The following DPP6 variants were observed in gnomAD, a reference collection of about 807,000 sequenced individuals.
DPP6 encodes the protein A-type potassium channel modulatory protein DPP6.
Under a neutral mutation model 122.6 loss-of-function variants are expected in DPP6, and 69 were observed. That is an observed-to-expected ratio of 0.56 (90% confidence interval 0.46 to 0.69). DPP6 has a LOEUF of 0.69. DPP6 is among the 30% of genes least tolerant of loss of function. The pLI is 0.00. For synonymous variants in DPP6, 418 were observed against 433.1 expected (o/e 0.97, Z 0.43); for missense variants, 928 against 1,116.9 (o/e 0.83, Z 2.41).
At chr7:154,513,875 C>A (rs1226034508) in intron 3 of DPP6, among the ~76,000 whole-genome samples, 1 of 152,202 alleles carries the variant, frequency 6.6e-6, no homozygotes, top group Non-Finnish European at 1.5e-5. Flanking sequence ...CTACTCAAAC[C>A]CATACATCTT....
intron 1 of DPP6, among the ~76,000 whole-genome samples, chr7:154,184,794 A>C (rs973804498): frequency 2.0e-5 from 3 of 152,156 alleles, no homozygotes; most frequent in South Asian, 2.1e-4. Flanking sequence ...ATGCCTTACT[A>C]AATGTTGGGA....
At chr7:154,606,172 T>C (rs970975530) in intron 5 of DPP6, among the ~76,000 whole-genome samples, 1 of 120,328 alleles carries the variant, frequency 8.3e-6, no homozygotes, top group African/African-American at 2.6e-5. Flanking sequence ...GTTATATTGT[T>C]GCAATATTCT....
chr7:154,837,251 TCACACATGCA>T (rs75432715), intron 16 of DPP6, among the ~76,000 whole-genome samples: 7 of 148,222 alleles, frequency 4.7e-5, no homozygotes, highest in East Asian at 2.0e-4. Flanking sequence ...TAAGGCACAT[TCACACATGCA>T]CACACATGCA....
chr7:154,868,392 C>T (rs1240018889), intron 18 of DPP6, among the ~76,000 whole-genome samples: 3 of 152,150 alleles, frequency 2.0e-5, no homozygotes, highest in Admixed American at 6.5e-5. Context: ...GTCAAGACAC[C>T]GTCCAGAAAA....
At chr7:154,223,858 G>A (rs1330930255) in intron 1 of DPP6, among the ~76,000 whole-genome samples, 1 of 148,756 alleles carries the variant, frequency 6.7e-6, no homozygotes, top group Admixed American at 6.6e-5. Flanking sequence ...AGGGGAGTGA[G>A]CATGGAGGTG....
intron 1 of DPP6, among the ~76,000 whole-genome samples, chr7:154,218,587 G>T (rs1023807706): frequency 2.6e-5 from 4 of 152,128 alleles, no homozygotes; most frequent in African/African-American, 9.7e-5. Context: ...CATTATATGG[G>T]TATTGCTGGC....
At chr7:153,966,910 T>C (rs552740474) in intron 1 of DPP6, among the ~76,000 whole-genome samples, 9 of 151,206 alleles carry the variant, frequency 6.0e-5, no homozygotes, top group Non-Finnish European at 1.3e-4. Context: ...CTACCAAAAA[T>C]AGAAAAATGA....
chr7:154,673,950 A>G (rs533646742), intron 7 of DPP6, among the ~76,000 whole-genome samples: 3 of 149,344 alleles, frequency 2.0e-5, no homozygotes, highest in Non-Finnish European at 4.4e-5. Flanking sequence ...ATCTCTGCTC[A>G]CTCCAACCTC....
intron 16 of DPP6, among the ~76,000 whole-genome samples, chr7:154,852,981 C>T (rs772559878): frequency 3.3e-5 from 5 of 152,204 alleles, no homozygotes; most frequent in African/African-American, 4.8e-5. Flanking sequence ...TGACATGCCT[C>T]CAGCCCTGCA....
chr7:153,932,097 C>T (rs1801195329), intron 1 of DPP6, among the ~76,000 whole-genome samples: 1 of 147,922 alleles, frequency 6.8e-6, no homozygotes, highest in Non-Finnish European at 1.5e-5. Context: ...TTGTTTGCTA[C>T]TTGGCTTTGA....
intron 8 of DPP6, among the ~76,000 whole-genome samples, chr7:154,764,921 G>C (rs983107385): frequency 1.3e-5 from 2 of 152,154 alleles, no homozygotes; most frequent in South Asian, 2.1e-4. Flanking sequence ...TCTCTCCAGA[G>C]AGAGAACTCA....
At chr7:154,780,933 A>G (rs561504482) in intron 10 of DPP6, among the ~76,000 whole-genome samples, 5 of 152,128 alleles carry the variant, frequency 3.3e-5, no homozygotes, top group African/African-American at 1.2e-4. Flanking sequence ...AGATAGATGA[A>G]TAGGTGGATA....
intron 1 of DPP6, among the ~76,000 whole-genome samples, chr7:154,226,257 A>G (rs2150839953): frequency 6.6e-6 from 1 of 152,322 alleles, no homozygotes; most frequent in East Asian, 1.9e-4. Flanking sequence ...AAGATCCAAA[A>G]GCATCTTGCC....
At chr7:154,229,820 A>G (rs1189402558) in intron 1 of DPP6, among the ~76,000 whole-genome samples, 1 of 152,120 alleles carries the variant, frequency 6.6e-6, no homozygotes, top group Non-Finnish European at 1.5e-5. Flanking sequence ...AATGCATCAA[A>G]CTAGATCCTG....
At chr7:153,842,129 A>G in the DPP6 span, among the ~76,000 whole-genome samples, 1 of 152,220 alleles carries the variant, frequency 6.6e-6, no homozygotes, top group African/African-American at 2.4e-5. Context: ...TCAAACATAT[A>G]TATGTAAGTC....
At chr7:154,631,622 G>C in intron 5 of DPP6, among the ~76,000 whole-genome samples, 1 of 151,058 alleles carries the variant, frequency 6.6e-6, no homozygotes, top group East Asian at 2.0e-4. Context: ...AGCCAAGATT[G>C]CACCACTGCA....
intron 1 of DPP6, among the ~76,000 whole-genome samples, chr7:153,888,825 A>T (rs1799064249): frequency 6.7e-6 from 1 of 150,260 alleles, no homozygotes. Flanking sequence ...GAATTGAAGA[A>T]ATTCTTTCAG....
chr7:153,752,714 G>A, the DPP6 span, among the ~76,000 whole-genome samples: 51 of 116,924 alleles, frequency 4.4e-4, 1 homozygote, highest in Non-Finnish European at 7.9e-4. Flanking sequence ...TGGCATGGTG[G>A]TATGTGCCTG....
intron 1 of DPP6, among the ~76,000 whole-genome samples, chr7:154,016,133 C>G (rs1189198267): frequency 6.6e-6 from 1 of 152,126 alleles, no homozygotes; most frequent in Non-Finnish European, 1.5e-5. Context: ...CCCATGATAC[C>G]TCCGCAGTGA....
Sources: allele counts gnomAD v4.1 joint callset (sites outside exome capture counted in the v4.1 genomes callset), GRCh38; gene constraint gnomAD v4.1.1; transcripts MANE v1.5; gene names NCBI Gene and HGNC (gene_info 2026-07-23, HGNC 2026-07-21).